RBFOX1: variants seen among roughly 807,000 people sequenced by gnomAD.
RBFOX1 encodes the protein RNA binding fox-1 homolog 1.
In RBFOX1, 8 loss-of-function variants were observed where a neutral mutation model predicts 57.7. That is an observed-to-expected ratio of 0.14 (90% CI 0.08 to 0.25). The LOEUF (loss-of-function observed/expected upper bound fraction) is 0.25, where lower values mean the gene tolerates loss of function less well. RBFOX1 is among the 10% of genes least tolerant of loss of function. The pLI, the probability that RBFOX1 is intolerant of heterozygous loss-of-function variation, is 1.00. For missense variants in RBFOX1, 611 were observed against 548.5 expected (o/e 1.11, Z -1.14); for synonymous variants, 326 against 222.4 (o/e 1.47, Z -4.15).
intron 4 of RBFOX1, among the ~76,000 whole-genome samples, chr16:7,369,788 A>G (rs983131931): frequency 2.6e-5 from 4 of 152,172 alleles, no homozygotes; most frequent in African/African-American, 9.7e-5. Context: ...AAATAATAAT[A>G]ATAATTGCAG....
intron 4 of RBFOX1, among the ~76,000 whole-genome samples, chr16:7,270,955 G>T (rs1287419575): frequency 1.3e-5 from 2 of 152,114 alleles, no homozygotes; most frequent in African/African-American, 2.4e-5. Flanking sequence ...CGGTGGGGCT[G>T]GGTGCTGAGT....
At chr16:6,393,346 C>T (rs2092688590) in intron 2 of RBFOX1, among the ~76,000 whole-genome samples, 1 of 152,112 alleles carries the variant, frequency 6.6e-6, no homozygotes, top group South Asian at 2.1e-4. Flanking sequence ...TAGACAGTCA[C>T]CTGTGGAGCT....
intron 2 of RBFOX1, among the ~76,000 whole-genome samples, chr16:6,628,642 GGTTT>G (rs1261848963): frequency 3.9e-5 from 6 of 151,984 alleles, no homozygotes; most frequent in African/African-American, 7.3e-5. Context: ...GAGAGCTCAT[GGTTT>G]GTTTGTGGTC....
intron 5 of RBFOX1, among the ~76,000 whole-genome samples, chr16:7,558,287 G>A (rs1027024068): frequency 2.6e-5 from 4 of 152,026 alleles, no homozygotes; most frequent in Admixed American, 6.6e-5. Flanking sequence ...CTGGGAGGTC[G>A]CGGCTGCAGT....
intron 11 of RBFOX1, among the ~76,000 whole-genome samples, chr16:7,637,739 T>C (rs2062007613): frequency 6.6e-6 from 1 of 152,194 alleles, no homozygotes; most frequent in Admixed American, 6.5e-5. Flanking sequence ...GCTTTCCTCC[T>C]AGATATTTTT....
At chr16:7,614,348 C>G (rs1006415760) in intron 10 of RBFOX1, 4 of 152,154 alleles carry the variant, frequency 2.6e-5, no homozygotes, top group African/African-American at 9.7e-5. Context: ...CTTCTCTCCT[C>G]TCCTCCCCTC....
intron 2 of RBFOX1, among the ~76,000 whole-genome samples, chr16:5,543,344 C>T (rs1412412391): frequency 6.6e-6 from 1 of 151,986 alleles, no homozygotes; most frequent in African/African-American, 2.4e-5. Flanking sequence ...CAAAAAAAGA[C>T]CCAAATCAAA....
At chr16:6,775,286 C>T (rs1297710693) in intron 3 of RBFOX1, among the ~76,000 whole-genome samples, 1 of 144,998 alleles carries the variant, frequency 6.9e-6, no homozygotes, top group Non-Finnish European at 1.5e-5. Context: ...GCTGAGATCG[C>T]GCCACCGCAC....
chr16:5,779,011 C>T (rs896030201), intron 3 of RBFOX1, among the ~76,000 whole-genome samples: 1 of 152,114 alleles, frequency 6.6e-6, no homozygotes, highest in Non-Finnish European at 1.5e-5. Flanking sequence ...ATATTGAGCC[C>T]TCATTGATTT....
At chr16:7,393,496 G>T (rs915383659) in intron 4 of RBFOX1, among the ~76,000 whole-genome samples, 2 of 152,120 alleles carry the variant, frequency 1.3e-5, no homozygotes, top group African/African-American at 4.8e-5. Context: ...TCTTAGGTCA[G>T]ATTTCCTAGG....
At chr16:7,039,744 C>T (rs985266963) in intron 3 of RBFOX1, among the ~76,000 whole-genome samples, 13 of 152,134 alleles carry the variant, frequency 8.5e-5, no homozygotes, top group Non-Finnish European at 1.2e-4. Flanking sequence ...TACAACCATA[C>T]GTCGGATTAT....
intron 4 of RBFOX1, among the ~76,000 whole-genome samples, chr16:5,970,141 G>T (rs1043376045): frequency 4.6e-5 from 7 of 152,118 alleles, no homozygotes; most frequent in African/African-American, 1.7e-4. Context: ...GCTGCTTCCT[G>T]TCACATAGAG....
intron 1 of RBFOX1, among the ~76,000 whole-genome samples, chr16:5,291,187 C>G (rs1395678027): frequency 6.6e-6 from 1 of 151,660 alleles, no homozygotes; most frequent in Non-Finnish European, 1.5e-5. Context: ...AGCTTCCCCA[C>G]TGGTGAAATA....
intron 1 of RBFOX1, among the ~76,000 whole-genome samples, chr16:6,170,458 C>T (rs1290520977): frequency 6.6e-6 from 1 of 152,032 alleles, no homozygotes; most frequent in African/African-American, 2.4e-5. Context: ...TGCTCTGAGC[C>T]CCGTGGATGC....
intron 2 of RBFOX1, among the ~76,000 whole-genome samples, chr16:6,476,315 A>G (rs941633603): frequency 8.5e-5 from 13 of 152,180 alleles, no homozygotes; most frequent in Admixed American, 1.3e-4. Flanking sequence ...AAAATAGTAA[A>G]TACACATCTT....
intron 3 of RBFOX1, among the ~76,000 whole-genome samples, chr16:5,618,693 A>G (rs1465633457): frequency 1.3e-5 from 2 of 152,222 alleles, no homozygotes; most frequent in East Asian, 3.9e-4. Context: ...AAAAGAAAGA[A>G]ATGCCCATGA....
At chr16:7,386,017 C>T (rs981043904) in intron 4 of RBFOX1, among the ~76,000 whole-genome samples, 2 of 151,494 alleles carry the variant, frequency 1.3e-5, no homozygotes, top group Admixed American at 1.3e-4. Context: ...TCTCGAACTC[C>T]TGACCTCGTG....
At chr16:5,537,921 G>A (rs12930002) in intron 2 of RBFOX1, among the ~76,000 whole-genome samples, 43,749 of 152,016 alleles carry the variant, frequency 0.29, 7,007 homozygotes, top group Non-Finnish European at 0.36. Flanking sequence ...TTTTTGGAGG[G>A]CATTATTCTC....
chr16:5,771,065 A>C (rs1231320069), intron 3 of RBFOX1, among the ~76,000 whole-genome samples: 1 of 152,218 alleles, frequency 6.6e-6, no homozygotes, highest in Non-Finnish European at 1.5e-5. Flanking sequence ...GCTGCCTCCC[A>C]GATCTACTGA....
Sources: allele counts gnomAD v4.1 joint callset (sites outside exome capture counted in the v4.1 genomes callset), GRCh38; gene constraint gnomAD v4.1.1; transcripts MANE v1.5; gene names NCBI Gene and HGNC (gene_info 2026-07-23, HGNC 2026-07-21).